The following TAMM41 variants were observed in gnomAD, a reference collection of about 807,000 sequenced individuals.
TAMM41 encodes the protein TAM41 mitochondrial translocator assembly and maintenance homolog.
A neutral mutation model predicts 44.1 loss-of-function variants in TAMM41; 36 were observed. The observed-to-expected ratio is 0.82, with a 90% CI of 0.63 to 1.08. The LOEUF (loss-of-function observed/expected upper bound fraction) is 1.08. Ranked by LOEUF, TAMM41 falls within the 50% of genes least tolerant of loss-of-function variation. TAMM41 has a pLI of 0.00. For synonymous variants in TAMM41, 164 were observed against 153.1 expected, an observed-to-expected ratio of 1.07 and a Z score of -0.53; for missense variants, 417 against 404.3, an observed-to-expected ratio of 1.03 and a Z score of -0.27.
At chr3:11,748,270 TTTTATTTA>T in the TAMM41 span, among the ~76,000 whole-genome samples, 24 of 149,818 alleles carry the variant, frequency 1.6e-4, no homozygotes, top group Admixed American at 8.0e-4. Flanking sequence ...TTCTGTACTC[TTTTATTTA>T]TTTATTTATT....
the TAMM41 span, among the ~76,000 whole-genome samples, chr3:11,783,568 A>G: frequency 6.6e-6 from 1 of 152,228 alleles, no homozygotes; most frequent in Non-Finnish European, 1.5e-5. Flanking sequence ...CTAGCCACAA[A>G]TCAGGACGAT....
chr3:11,840,236 A>ATT (rs34715548), intron 2 of TAMM41, among the ~76,000 whole-genome samples: 166 of 145,322 alleles, frequency 1.1e-3, no homozygotes, highest in Middle Eastern at 3.5e-3. Context: ...AATTAAACTC[A>ATT]TTTTTTTTTT....
downstream of TAMM41, among the ~76,000 whole-genome samples, chr3:11,789,862 G>A (rs1421025813): frequency 6.6e-6 from 1 of 152,236 alleles, no homozygotes; most frequent in Non-Finnish European, 1.5e-5. Context: ...AGAGGGCAGA[G>A]AGATGGAGAG....
At chr3:11,727,925 T>TAC in the TAMM41 span, among the ~76,000 whole-genome samples, 3 of 151,992 alleles carry the variant, frequency 2.0e-5, no homozygotes, top group Admixed American at 1.3e-4. Flanking sequence ...TAGCTGGGAT[T>TAC]ACAGGCATGC....
the TAMM41 span, among the ~76,000 whole-genome samples, chr3:11,750,397 C>G: frequency 6.6e-6 from 1 of 152,030 alleles, no homozygotes; most frequent in Non-Finnish European, 1.5e-5. Context: ...TAGCCTCGAA[C>G]TCCTGGGCTT....
At chr3:11,726,800 C>CAAAAAA in the TAMM41 span, among the ~76,000 whole-genome samples, 2 of 93,088 alleles carry the variant, frequency 2.1e-5, no homozygotes, top group African/African-American at 3.5e-5. Flanking sequence ...GACTCTGTCT[C>CAAAAAA]AAAAAAAAAA....
At chr3:11,812,376 C>T (rs1315391540) in intron 5 of TAMM41, among the ~76,000 whole-genome samples, 2 of 152,182 alleles carry the variant, frequency 1.3e-5, no homozygotes, top group African/African-American at 2.4e-5. Context: ...AAGACACTGT[C>T]CTGCGAGGAT....
At chr3:11,813,826 A>ATG (rs769715029) in intron 5 of TAMM41, among the ~76,000 whole-genome samples, 6 of 114,086 alleles carry the variant, frequency 5.3e-5, no homozygotes, top group African/African-American at 1.1e-4. Flanking sequence ...GGGTACAAAT[A>ATG]TATGTGTGTG....
At chr3:11,812,574 C>T (rs1432121750) in intron 5 of TAMM41, among the ~76,000 whole-genome samples, 1 of 152,146 alleles carries the variant, frequency 6.6e-6, no homozygotes, top group African/African-American at 2.4e-5. Flanking sequence ...CTAGAGGTCC[C>T]AGTTCCCAGA....
chr3:11,770,712 G>T, the TAMM41 span, among the ~76,000 whole-genome samples: 1 of 152,184 alleles, frequency 6.6e-6, no homozygotes, highest in Non-Finnish European at 1.5e-5. Flanking sequence ...TGTTGGGCGT[G>T]AACAGAGCAC....
At chr3:11,764,782 G>C in the TAMM41 span, among the ~76,000 whole-genome samples, 2 of 152,098 alleles carry the variant, frequency 1.3e-5, no homozygotes, top group East Asian at 1.9e-4. Context: ...TTGAGCCACT[G>C]CACCCGGCCC....
At chr3:11,805,235 C>A (rs896954385) in intron 7 of TAMM41, among the ~76,000 whole-genome samples, 6 of 152,066 alleles carry the variant, frequency 3.9e-5, no homozygotes, top group African/African-American at 1.2e-4. Context: ...CCCCTGAGCT[C>A]GGGCAATCTG....
chr3:11,740,694 T>C, the TAMM41 span, among the ~76,000 whole-genome samples: 1 of 151,772 alleles, frequency 6.6e-6, no homozygotes, highest in East Asian at 2.0e-4. Context: ...GCCTCCCGAG[T>C]AGCTGGGATT....
chr3:11,813,070 A>T (rs527569639), intron 5 of TAMM41, among the ~76,000 whole-genome samples: 20 of 152,308 alleles, frequency 1.3e-4, no homozygotes, highest in African/African-American at 4.1e-4. Flanking sequence ...AGGATTCTGG[A>T]TACCTTTATT....
chr3:11,774,878 T>TTTC, the TAMM41 span, among the ~76,000 whole-genome samples: 92 of 151,670 alleles, frequency 6.1e-4, no homozygotes, highest in African/African-American at 2.2e-3. Context: ...GCATTTTTTT[T>TTTC]TTTTTTTTGA....
chr3:11,781,736 A>AAATAAT, the TAMM41 span, among the ~76,000 whole-genome samples: 10,403 of 122,732 alleles, frequency 0.085, 435 homozygotes, highest in Non-Finnish European at 0.096. Flanking sequence ...CTCCATCTCA[A>AAATAAT]AATAATAATA....
chr3:11,781,387 C>A, the TAMM41 span, among the ~76,000 whole-genome samples: 1 of 152,022 alleles, frequency 6.6e-6, no homozygotes, highest in Non-Finnish European at 1.5e-5. Context: ...ATAATTTACC[C>A]ATATGTGGGG....
At chr3:11,842,331 T>C (rs1440262500) in intron 2 of TAMM41, among the ~76,000 whole-genome samples, 1 of 144,418 alleles carries the variant, frequency 6.9e-6, no homozygotes, top group Admixed American at 7.1e-5. Context: ...GAGGCGGAGG[T>C]TGCAGTGAGC....
In TAMM41 at chr3:11,842,327, G is replaced by A. The variant is rs532021170; in HGVS notation, c.318+1702C>T. 2.7e-4 allele frequency among the ~76,000 whole-genome samples: 41 copies of A among 151,192 alleles called. 1 individual carries two copies. In the South Asian group the frequency reaches 8.0e-3, roughly 29 times the overall value. ...GAGAATCGCTTGAACCTGGGAGGCG[G>A]AGGTTGCAGTGAGCAGAGATCGCAC... On this transcript the variant is annotated intron_variant, in intron 2 of 7. Coordinates refer to ENST00000455809, the MANE Select transcript of TAMM41 (RefSeq NM_001284401.2).
Sources: allele counts gnomAD v4.1 joint callset (sites outside exome capture counted in the v4.1 genomes callset), GRCh38; gene constraint gnomAD v4.1.1; transcripts MANE v1.5; gene names NCBI Gene and HGNC (gene_info 2026-07-23, HGNC 2026-07-21).